USP31: variants seen among roughly 807,000 people sequenced by gnomAD.
USP31 encodes the protein ubiquitin carboxyl-terminal hydrolase 31.
A neutral mutation model predicts 119.4 loss-of-function variants in USP31; 44 were observed. The ratio of observed to expected loss-of-function variants is 0.37; its 90% confidence interval spans 0.29 to 0.47. The LOEUF (loss-of-function observed/expected upper bound fraction) is 0.47, where lower values mean the gene tolerates loss of function less well. Among genes scored for constraint, USP31 ranks in the 20% least tolerant of loss-of-function variants. The probability of loss-of-function intolerance (pLI) is 0.99; values close to 1 mark genes in which losing one functional copy is unlikely to be tolerated. For missense variants in USP31, 1,643 were observed against 1,730.2 expected (o/e 0.95, Z 0.89); for synonymous variants, 749 against 705.6 (o/e 1.06, Z -0.97).
rs1467183033 is a variant in USP31, at chr16:23,069,327, G to A, written c.2778C>T (p.Ser926=). 46 of 1,602,816 alleles carry A rather than the reference G, an allele frequency of 2.9e-5. No individual in the cohort carries two copies. Among genetic ancestry groups the A allele is most frequent in the Admixed American group, 3.4e-5 (2 of 59,298 alleles). The change falls in exon 16 of 16, where the codon AGC becomes AGT. Residue 926 remains serine, a synonymous_variant. Coordinates refer to ENST00000219689, the MANE Select transcript of USP31 (RefSeq NM_020718.4). ...RNLSSSYQEP[S]DSHSRREHKA... ...TGTGCTCACGGCGACTATGACTGTC[G>A]CTTGGTTCCTGGTAACTGCTAGAAA...
intron 1 of USP31, among the ~76,000 whole-genome samples, chr16:23,109,935 G>A (rs555609107): frequency 6.6e-6 from 1 of 151,030 alleles, no homozygotes; most frequent in Non-Finnish European, 1.5e-5. Context: ...GACCAGAAGA[G>A]ACTAAGATGA....
At chr16:23,113,609 A>G (rs1291157978) in intron 1 of USP31, among the ~76,000 whole-genome samples, 2 of 152,208 alleles carry the variant, frequency 1.3e-5, no homozygotes, top group South Asian at 2.1e-4. Context: ...TATAATCTCA[A>G]TGAAGCAGAA....
chr16:23,098,119 G>A (rs1901694437), intron 6 of USP31, among the ~76,000 whole-genome samples: 1 of 152,178 alleles, frequency 6.6e-6, no homozygotes, highest in Admixed American at 6.5e-5. Flanking sequence ...AGCAACTTCA[G>A]CAAAGTCTCA....
At position 23,149,066 on chromosome 16, in the gene USP31, G is replaced by C. The variant is rs1253007587; in HGVS notation, c.205C>G (p.Leu69Val). ...TGCGAGAGCGTGGACAGCGTCTTGAGAACGCGGCTCATGAAGCTGCCCACC... is the reference window on the plus strand; with the variant it reads ...TGCGAGAGCGTGGACAGCGTCTTGACAACGCGGCTCATGAAGCTGCCCACC... Reference protein sequence around the residue: ...RSVGSFMSRVLKTLSTLSHLS... With the variant: ...RSVGSFMSRVVKTLSTLSHLS... The change falls in exon 1 of 16, where the codon CTC (leucine) becomes GTC (valine). Residue 69 changes from leucine (L) to valine (V), a missense_variant. Physicochemically the swap from Leu to Val is conservative, Grantham distance 32. Around this residue, in one of 5 missense-constraint regions of USP31, gnomAD observed 302 missense variants for 262.6 expected, o/e 1.15. Transcript: ENST00000219689. 1 of 1,266,692 alleles carries C rather than the reference G, an allele frequency of 7.9e-7. No homozygotes were observed. Among genetic ancestry groups the C allele is most frequent in the Non-Finnish European group, 1.0e-6 (1 of 981,610 alleles). 78.5% of individuals were successfully genotyped at this position (1,266,692 alleles called of 1,614,324 possible).
At position 23,068,767 on chromosome 16, in the gene USP31, T is replaced by C. The variant is rs1900206046; in HGVS notation, c.3338A>G (p.Gln1113Arg). The C allele has an allele frequency of 6.3e-7, 1 of 1,580,662 alleles. No homozygotes were observed. The highest frequency in any genetic ancestry group is 1.4e-5 in the African/African-American group (1 of 73,464). Reference sequence around the variant, plus strand: ...GAGGGCCGAGGCTGACTTCTGCTTCTGTGGCGAAGGAGATGACACGGAGTC... The same window carrying C: ...GAGGGCCGAGGCTGACTTCTGCTTCCGTGGCGAAGGAGATGACACGGAGTC... The part of the protein sequence containing the change: ...SQDSVSSPSP[Q>R]KQKSASALTY... The change falls in exon 16 of 16, where the codon CAG (glutamine) becomes CGG (arginine). Residue 1113 changes from glutamine (Q) to arginine (R), a missense_variant. Gln to Arg is a conservative substitution (Grantham distance 43, BLOSUM62 1). Coordinates refer to ENST00000219689, the MANE Select transcript of USP31 (RefSeq NM_020718.4).
At chr16:23,137,232 AC>A (rs139442245) in intron 1 of USP31, among the ~76,000 whole-genome samples, 3,778 of 152,270 alleles carry the variant, frequency 0.025, 56 homozygotes, top group African/African-American at 0.04. Flanking sequence ...AACAAAAAAA[AC>A]AATGCGATAC....
chr16:23,102,446 C>T lies in USP31; in HGVS notation c.1107G>A (p.Met369Ile). 6.2e-7 allele frequency: 1 copy of T among 1,609,398 alleles called. No individual in the cohort carries two copies. The highest frequency in any genetic ancestry group is 8.5e-7 in the Non-Finnish European group (1 of 1,178,460). ...IPTDQIVLTE[M>I]YYDGFHRSFC... ...AGGAACGATGGAACCCATCATAGTA[C>T]ATTTCTGTTAACACAATCTAAAAAT... The change falls in exon 6 of 16, where the codon ATG (methionine) becomes ATA (isoleucine). Residue 369 changes from methionine to isoleucine, a missense_variant. Physicochemically the swap from Met to Ile is conservative, Grantham distance 10 (BLOSUM62 1). Transcript: ENST00000219689.
intron 5 of USP31, 66 bp from the exon 6 acceptor site, chr16:23,102,529 C>A: frequency 6.5e-7 from 1 of 1,541,802 alleles, no homozygotes. Context: ...TCTCCCAATT[C>A]TATGAACTTC....
rs556485154 is a variant in USP31 at position 23,134,128 on chromosome 16, G to A, written c.633+14510C>T. Among the ~76,000 whole-genome samples, 12 of 148,928 alleles carry A rather than the reference G, an allele frequency of 8.1e-5. No homozygotes were observed. In the South Asian group the frequency reaches 1.3e-3, roughly 16 times the overall value. Reference sequence around the variant, plus strand: ...ACACACACACACACACACACAAATCGAACAGATTACTTTGTTTTTGAAACT... The same window carrying A: ...ACACACACACACACACACACAAATCAAACAGATTACTTTGTTTTTGAAACT... On this transcript the variant is annotated intron_variant, in intron 1 of 15. Coordinates refer to ENST00000219689, the MANE Select transcript of USP31 (RefSeq NM_020718.4).
chr16:23,067,673 G>A lies in USP31; in HGVS notation c.*373C>T, dbSNP rs888195858. On this transcript the variant is annotated 3_prime_UTR_variant, in exon 16 of 16. Transcript: ENST00000219689. ...CGAGTCAGCTCCTTCCTCCTTCTAC[G>A]CACTAATGGTAGCTTTTCTGGTTCA... 4.2e-5 allele frequency: 7 copies of A among 166,052 alleles called. No homozygotes were observed. The highest frequency in any genetic ancestry group is 1.7e-4 in the South Asian group (1 of 6,010). The allele number at this position is 166,052 out of a possible 1,614,324, so 10.3% of individuals were successfully genotyped here.
intron 10 of USP31, 141 bp from the exon 11 acceptor site, chr16:23,085,130 C>T (rs886265722): frequency 1.6e-6 from 2 of 1,233,816 alleles, no homozygotes; most frequent in Admixed American, 4.6e-5. Flanking sequence ...AAAGTAGTGA[C>T]CCAACTTTTC....
chr16:23,135,294 C>A (rs1464217966), intron 1 of USP31, among the ~76,000 whole-genome samples: 1 of 152,064 alleles, frequency 6.6e-6, no homozygotes, highest in Non-Finnish European at 1.5e-5. Flanking sequence ...GACAAGGATG[C>A]CTACTTTTAC....
chr16:23,069,623 A>G lies in USP31; in HGVS notation c.2489-7T>C. On this transcript the variant is annotated splice_region_variant and splice_polypyrimidine_tract_variant and intron_variant, in intron 15 of 15. Coordinates refer to ENST00000219689, the MANE Select transcript of USP31 (RefSeq NM_020718.4). Reference sequence around the variant, plus strand: ...GGTCGAGTTGAAAAGCCTCCTGAACACAGTAAAGAGAATACTGTTAAGTTA... The same window carrying G: ...GGTCGAGTTGAAAAGCCTCCTGAACGCAGTAAAGAGAATACTGTTAAGTTA... 1 of 1,596,934 alleles carries G rather than the reference A, an allele frequency of 6.3e-7. No homozygotes were observed. Among genetic ancestry groups the G allele is most frequent in the East Asian group, 2.2e-5 (1 of 44,558 alleles).
Position 23,069,392 on chromosome 16 carries a change from C to T in USP31, c.2713G>A (p.Asp905Asn), listed in dbSNP as rs751520113. 1.2e-6 allele frequency: 2 copies of T among 1,611,398 alleles called. No individual in the cohort carries two copies. Among genetic ancestry groups the T allele is most frequent in the South Asian group, 1.1e-5 (1 of 90,914 alleles). The change falls in exon 16 of 16, where the codon GAC becomes AAC. Residue 905 changes from aspartate (D) to asparagine (N), a missense_variant. Around this residue, in one of 5 missense-constraint regions of USP31, gnomAD observed 699 missense variants for 650.9 expected, o/e 1.07. Transcript: ENST00000219689. ...TLEKIGEAAD[D>N]KVSISCFGSL... Reference sequence around the variant, plus strand: ...CCAAAGCAAGAGATGGAGACCTTGTCATCTGCTGCCTCCCCAATCTTCTCC... The same window carrying T: ...CCAAAGCAAGAGATGGAGACCTTGTTATCTGCTGCCTCCCCAATCTTCTCC...
At chr16:23,115,835 GAA>G (rs11386024) in intron 1 of USP31, 96 of 801,570 alleles carry the variant, frequency 1.2e-4, no homozygotes, top group Middle Eastern at 6.4e-4. Flanking sequence ...TTCCCTTAAA[GAA>G]AAAAAAAAAA....
chr16:23,137,596 T>C (rs538411799), intron 1 of USP31, among the ~76,000 whole-genome samples: 2 of 151,122 alleles, frequency 1.3e-5, no homozygotes, highest in Non-Finnish European at 2.9e-5. Flanking sequence ...ATATAACACA[T>C]GACATATATA....
chr16:23,086,292 G>C (rs973452549), intron 9 of USP31, among the ~76,000 whole-genome samples: 3 of 151,882 alleles, frequency 2.0e-5, no homozygotes, highest in African/African-American at 7.3e-5. Flanking sequence ...TGCTTTTTTA[G>C]AATCCTGAAA....
At chr16:23,079,567 TA>T (rs879575481) in intron 13 of USP31, 1,696 of 146,764 alleles carry the variant, frequency 0.012, no homozygotes, top group Non-Finnish European at 0.015. Context: ...CATCTTTAAT[TA>T]AAAAAAAAAA....
intron 1 of USP31, among the ~76,000 whole-genome samples, chr16:23,132,183 G>A (rs1204779237): frequency 1.3e-5 from 2 of 152,142 alleles, no homozygotes; most frequent in East Asian, 1.9e-4. Flanking sequence ...AATGTTGTTT[G>A]TTAAACATAA....
Sources: gnomAD v4.1 joint callset for allele counts (sites outside exome capture counted in the v4.1 genomes callset) on GRCh38, gnomAD v4.1.1 for gene constraint, gnomAD v4.1.1 regional missense constraint, MANE v1.5 for transcripts, NCBI Gene and HGNC (gene_info 2026-07-23, HGNC 2026-07-21) for gene names.